MVB12B: variants seen among roughly 807,000 people sequenced by gnomAD.
MVB12B encodes the protein multivesicular body subunit 12B.
A neutral mutation model predicts 41.6 loss-of-function variants in MVB12B; 16 were observed. That is an observed-to-expected ratio of 0.38 (90% confidence interval 0.26 to 0.58). MVB12B has a LOEUF of 0.58. Ranked by LOEUF, MVB12B falls within the 20% of genes least tolerant of loss-of-function variation. The probability of loss-of-function intolerance (pLI) is 0.62; values close to 1 mark genes in which losing one functional copy is unlikely to be tolerated. For synonymous variants in MVB12B, 133 were observed against 139.7 expected (o/e 0.95, Z 0.34); for missense variants, 274 against 380.2 (o/e 0.72, Z 2.32).
chr9:126,386,719 T>C lies in MVB12B; in HGVS notation c.409+61T>C. 7.8e-7 allele frequency: 1 copy of C among 1,276,958 alleles called. No homozygotes were observed. Among genetic ancestry groups the C allele is most frequent in the Non-Finnish European group, 1.1e-6 (1 of 882,020 alleles). 79.1% of individuals were successfully genotyped at this position (1,276,958 alleles called of 1,614,324 possible). ...CGTTTTCTTCCTCCAGGTATATTTG[T>C]AGGTGTTTTTCTATGTGCATTTTTC... On this transcript the variant is annotated intron_variant, in intron 4 of 9. Transcript: ENST00000361171. The surrounding 1 kb of genome is among the most constrained non-coding windows in gnomAD (Gnocchi z 4.3).
At chr9:126,420,984 G>A (rs767588192) in intron 6 of MVB12B, among the ~76,000 whole-genome samples, 5 of 152,118 alleles carry the variant, frequency 3.3e-5, no homozygotes, top group Non-Finnish European at 5.9e-5. Context: ...TCCGGGTGTG[G>A]CCACAGGTTA....
At chr9:126,351,887 G>GT (rs1168749262) in intron 2 of MVB12B, among the ~76,000 whole-genome samples, 2 of 151,990 alleles carry the variant, frequency 1.3e-5, no homozygotes, top group East Asian at 3.9e-4. Flanking sequence ...TTTTCTGAGA[G>GT]TTTTTATCAT....
At chr9:126,435,675 A>AAC (rs1832455301) in intron 7 of MVB12B, among the ~76,000 whole-genome samples, 1 of 150,460 alleles carries the variant, frequency 6.6e-6, no homozygotes, top group Admixed American at 6.6e-5. Context: ...AAAAAAAAAA[A>AAC]GTTTCTTTCC....
intron 7 of MVB12B, among the ~76,000 whole-genome samples, chr9:126,435,710 C>T (rs1315756646): frequency 2.0e-5 from 3 of 152,058 alleles, no homozygotes; most frequent in Admixed American, 6.5e-5. Flanking sequence ...CACCACCCAC[C>T]GAGCACATCA....
rs1834046786 is a variant in MVB12B at position 126,505,521 on chromosome 9, T to C, written c.*2258T>C. 6.6e-6 allele frequency: 1 copy of C among 152,378 alleles called. No homozygotes were observed. The highest frequency in any genetic ancestry group is 2.1e-4 in the South Asian group (1 of 4,836). The allele number at this position is 152,378 out of a possible 1,614,324, so 9.4% of individuals were successfully genotyped here. On this transcript the variant is annotated 3_prime_UTR_variant, in exon 10 of 10. Transcript: ENST00000361171. Reference sequence around the variant, plus strand: ...CATAAGAGTAAATGACTGTGAACGTTGTAGTAAACGGCAGCTTAAGATAAG... The same window carrying C: ...CATAAGAGTAAATGACTGTGAACGTCGTAGTAAACGGCAGCTTAAGATAAG...
chr9:126,446,954 T>G (rs1166487113), intron 7 of MVB12B, among the ~76,000 whole-genome samples: 3 of 147,868 alleles, frequency 2.0e-5, no homozygotes, highest in African/African-American at 7.4e-5. Flanking sequence ...TTTTTTTTTT[T>G]TTTCCTTTGA....
At chr9:126,470,646 C>CTG (rs143928729) in intron 7 of MVB12B, among the ~76,000 whole-genome samples, 50,043 of 143,336 alleles carry the variant, frequency 0.35, 8,543 homozygotes, top group African/African-American at 0.42. Context: ...AGTCAGTGCT[C>CTG]TGTGTGTGTG....
intron 2 of MVB12B, among the ~76,000 whole-genome samples, chr9:126,363,041 G>A (rs1453406204): frequency 6.6e-6 from 1 of 152,090 alleles, no homozygotes; most frequent in African/African-American, 2.4e-5. Context: ...ACAAACATTA[G>A]CTGGGTGTAG....
Position 126,327,009 on chromosome 9 carries a change from C to T in MVB12B, c.80C>T (p.Thr27Ile). The change falls in exon 1 of 10, where the codon ACA becomes ATA. Residue 27 changes from threonine to isoleucine, a missense_variant and splice_region_variant. Coordinates refer to ENST00000361171, the MANE Select transcript of MVB12B (RefSeq NM_033446.3). ...QPPPPPPQRG[T>I]DQSTMPEVKD... ...CCGCCGCCGCCGCCCCAGCGGGGAA[C>T]AGTTAAGTGAGGCCCGGGCGCCGCG... 5.1e-6 allele frequency: 1 copy of T among 196,740 alleles called. No individual in the cohort carries two copies. Among genetic ancestry groups the T allele is most frequent in the South Asian group, 6.8e-5 (1 of 14,740 alleles). The allele number at this position is 196,740 out of a possible 1,614,324, so 12.2% of individuals were successfully genotyped here.
chr9:126,410,141 T>G (rs898117351), intron 6 of MVB12B, among the ~76,000 whole-genome samples: 2 of 148,580 alleles, frequency 1.3e-5, no homozygotes, highest in African/African-American at 5.0e-5. Flanking sequence ...TGATTTGGTT[T>G]TGTGTGTGTG....
intron 2 of MVB12B, among the ~76,000 whole-genome samples, chr9:126,347,798 T>C (rs1405689654): frequency 6.6e-6 from 1 of 152,226 alleles, no homozygotes; most frequent in African/African-American, 2.4e-5. Context: ...ATGGCAGATA[T>C]CAAGTGGAAA....
At chr9:126,397,085 C>T (rs1220961451) in intron 6 of MVB12B, 7 of 985,354 alleles carry the variant, frequency 7.1e-6, no homozygotes, top group Non-Finnish European at 8.4e-6. Flanking sequence ...GTGCTGAGGC[C>T]CATCACTTGT....
At chr9:126,488,989 C>T (rs572336537) in intron 9 of MVB12B, among the ~76,000 whole-genome samples, 1 of 152,204 alleles carries the variant, frequency 6.6e-6, no homozygotes, top group Admixed American at 6.5e-5. Flanking sequence ...CCTCCACCCC[C>T]ACAAGGACAC....
At chr9:126,379,821 G>A (rs1279307752) in intron 2 of MVB12B, among the ~76,000 whole-genome samples, 2 of 152,214 alleles carry the variant, frequency 1.3e-5, no homozygotes, top group African/African-American at 4.8e-5. Context: ...CCCTGAGCCT[G>A]TGACAGGCAG....
intron 2 of MVB12B, among the ~76,000 whole-genome samples, chr9:126,378,101 A>G (rs1830530235): frequency 6.6e-6 from 1 of 152,184 alleles, no homozygotes; most frequent in Admixed American, 6.5e-5. Context: ...TGCTGCACGC[A>G]AAGCATTTGG....
At chr9:126,347,670 A>G (rs1829636219) in intron 2 of MVB12B, among the ~76,000 whole-genome samples, 1 of 152,248 alleles carries the variant, frequency 6.6e-6, no homozygotes, top group Admixed American at 6.5e-5. Context: ...AGGAAAAAGA[A>G]TCTCAATGGT....
chr9:126,393,024 C>A (rs1027153542), intron 5 of MVB12B, among the ~76,000 whole-genome samples: 4 of 152,202 alleles, frequency 2.6e-5, no homozygotes, highest in Non-Finnish European at 4.4e-5. Context: ...CCCCAGTAAG[C>A]AGAGAACTGC....
chr9:126,380,050 C>T (rs1830591617), intron 2 of MVB12B, among the ~76,000 whole-genome samples: 1 of 152,208 alleles, frequency 6.6e-6, no homozygotes, highest in Non-Finnish European at 1.5e-5. Context: ...GCTCAGAGAC[C>T]TCCTGCAGAG....
At chr9:126,356,589 A>C (rs1014032247) in intron 2 of MVB12B, among the ~76,000 whole-genome samples, 9 of 152,068 alleles carry the variant, frequency 5.9e-5, no homozygotes, top group African/African-American at 2.2e-4. Flanking sequence ...GGTTCCTCCT[A>C]CCCTTTTACA....
Sources: allele counts gnomAD v4.1 joint callset (sites outside exome capture counted in the v4.1 genomes callset), GRCh38; gene constraint gnomAD v4.1.1; non-coding constraint Gnocchi (gnomAD v3.1); transcripts MANE v1.5; gene names NCBI Gene and HGNC (gene_info 2026-07-23, HGNC 2026-07-21).